Variants in TNRC6B observed in about 807,000 individuals in gnomAD.
The protein encoded by TNRC6B is trinucleotide repeat containing adaptor 6B, also known as trinucleotide repeat-containing gene 6B protein.
A neutral mutation model predicts 203.6 loss-of-function variants in TNRC6B; 52 were observed. The observed-to-expected ratio is 0.26, with a 90% confidence interval of 0.20 to 0.32. TNRC6B has a LOEUF of 0.32. TNRC6B is among the 10% of genes least tolerant of loss of function. TNRC6B has a pLI of 1.00. For missense variants in TNRC6B, 1,923 were observed against 2,286.2 expected, an observed-to-expected ratio of 0.84 and a Z score of 3.24; for synonymous variants, 838 against 845.7, an observed-to-expected ratio of 0.99 and a Z score of 0.16.
chr22:40,152,419 C>T lies in TNRC6B; in HGVS notation c.46-3696C>T, dbSNP rs983819806. On this transcript the variant is annotated intron_variant, in intron 3 of 23. Transcript: ENST00000301923. ...TCGGCTCACTGCAAGCTCCGCCTCC[C>T]GGGTTCATGCCATTCTTCTGCCTCA... Among the ~76,000 whole-genome samples, 20 of 152,308 alleles carry T rather than the reference C, an allele frequency of 1.3e-4. No homozygotes were observed. The South Asian group carries it at 1.7e-3, about 13-fold the overall frequency.
intron 1 of TNRC6B, among the ~76,000 whole-genome samples, chr22:40,179,270 G>A (rs2069103733): frequency 1.3e-5 from 2 of 152,218 alleles, no homozygotes; most frequent in South Asian, 2.1e-4. Context: ...GTGAGAGTGT[G>A]ATGTAATGCT....
chr22:40,142,739 A>T (rs2068655748), intron 3 of TNRC6B, among the ~76,000 whole-genome samples: 2 of 152,156 alleles, frequency 1.3e-5, no homozygotes, highest in African/African-American at 4.8e-5. Flanking sequence ...CTGCTATTAT[A>T]CTGGTCTTGC....
chr22:40,234,952 C>G (rs1203707019), intron 1 of TNRC6B, among the ~76,000 whole-genome samples: 1 of 152,136 alleles, frequency 6.6e-6, no homozygotes, highest in Non-Finnish European at 1.5e-5. Context: ...TGGATATGTT[C>G]CAACATGCTT....
At chr22:40,109,528 G>A (rs373497694) in intron 1 of TNRC6B, among the ~76,000 whole-genome samples, 2 of 152,126 alleles carry the variant, frequency 1.3e-5, no homozygotes, top group Non-Finnish European at 2.9e-5. Context: ...TTTCTCTAAT[G>A]ATCAGTGATA....
intron 12 of TNRC6B, among the ~76,000 whole-genome samples, chr22:40,287,806 G>T (rs572364345): frequency 6.6e-6 from 1 of 152,346 alleles, no homozygotes; most frequent in East Asian, 1.9e-4. Flanking sequence ...TGGTGGCAGA[G>T]GGGTGGGTTG....
intron 1 of TNRC6B, among the ~76,000 whole-genome samples, chr22:40,055,031 C>T (rs755637052): frequency 3.3e-5 from 5 of 152,012 alleles, no homozygotes; most frequent in African/African-American, 4.8e-5. Flanking sequence ...AACAAGACTC[C>T]GTCTCCAAAA....
At chr22:40,224,877 C>T (rs1208373032) in intron 1 of TNRC6B, among the ~76,000 whole-genome samples, 3 of 152,250 alleles carry the variant, frequency 2.0e-5, no homozygotes, top group East Asian at 3.8e-4. Flanking sequence ...CTCTGTTACT[C>T]ATCACCTTCT....
intron 3 of TNRC6B, among the ~76,000 whole-genome samples, chr22:40,145,801 C>A (rs1234120901): frequency 6.6e-6 from 1 of 151,882 alleles, no homozygotes; most frequent in Admixed American, 6.6e-5. Context: ...AAGATCACAT[C>A]ACTATGCTCC....
intron 1 of TNRC6B, among the ~76,000 whole-genome samples, chr22:40,221,332 C>T (rs1371979021): frequency 6.6e-6 from 1 of 152,176 alleles, no homozygotes; most frequent in East Asian, 1.9e-4. Flanking sequence ...AATGTTGCTA[C>T]ACCAGTTGAG....
intron 4 of TNRC6B, among the ~76,000 whole-genome samples, chr22:40,262,769 G>A (rs1452605439): frequency 6.6e-6 from 1 of 152,180 alleles, no homozygotes; most frequent in Non-Finnish European, 1.5e-5. Flanking sequence ...GCCGGGCACG[G>A]TGGCTCACGC....
chr22:40,318,926 C>T (rs1376917171), intron 21 of TNRC6B, among the ~76,000 whole-genome samples: 1 of 151,996 alleles, frequency 6.6e-6, no homozygotes, highest in Non-Finnish European at 1.5e-5. Context: ...CAAAAATTAG[C>T]CGGGTATGGT....
At chr22:40,052,509 T>C (rs2067757933) in intron 1 of TNRC6B, among the ~76,000 whole-genome samples, 1 of 133,440 alleles carries the variant, frequency 7.5e-6, no homozygotes, top group Non-Finnish European at 1.5e-5. Context: ...CAGGCCGGAG[T>C]GCAGTGGCAT....
intron 1 of TNRC6B, among the ~76,000 whole-genome samples, chr22:40,221,756 C>CCCT (rs1163937502): frequency 2.4e-5 from 3 of 123,634 alleles, no homozygotes; most frequent in Non-Finnish European, 5.3e-5. Flanking sequence ...TTATTGCCCC[C>CCCT]CCCCCTTTTT....
chr22:40,106,350 TG>T, intron 1 of TNRC6B: 1 of 1,194,946 alleles, frequency 8.4e-7, no homozygotes, highest in Non-Finnish European at 1.2e-6. Context: ...CCTGTTGATC[TG>T]GTCCTTCTTG....
intron 3 of TNRC6B, among the ~76,000 whole-genome samples, chr22:40,128,251 T>C (rs781158386): frequency 2.6e-5 from 4 of 152,160 alleles, no homozygotes; most frequent in Non-Finnish European, 5.9e-5. Flanking sequence ...GCTGATCTCA[T>C]CTCGCAGGGG....
At chr22:40,152,760 C>T (rs374746194) in intron 3 of TNRC6B, among the ~76,000 whole-genome samples, 2 of 152,060 alleles carry the variant, frequency 1.3e-5, no homozygotes, top group East Asian at 3.9e-4. Context: ...TGTGAGCCAC[C>T]GTGCCTGGCT....
chr22:40,330,738 G>A lies in TNRC6B; in HGVS notation c.*7497G>A, dbSNP rs955641689. 4.6e-5 allele frequency: 7 copies of A among 152,606 alleles called. No homozygotes were observed. Among genetic ancestry groups the A allele is most frequent in the African/African-American group, 1.7e-4 (7 of 41,426 alleles). The allele number at this position is 152,606 out of a possible 1,614,324, so 9.5% of individuals were successfully genotyped here. A position where few individuals can be genotyped will look rare whatever the true frequency, so the allele number is the denominator to read the frequency against. Reference sequence around the variant, plus strand: ...CTGAATGTGCCTTTGTGAGTACAGAGACCGTCCGTTCTAGGAAGAAGCTAT... The same window carrying A: ...CTGAATGTGCCTTTGTGAGTACAGAAACCGTCCGTTCTAGGAAGAAGCTAT... On this transcript the variant is annotated 3_prime_UTR_variant, in exon 23 of 23. Coordinates refer to ENST00000454349, the MANE Select transcript of TNRC6B (RefSeq NM_001162501.2).
intron 1 of TNRC6B, among the ~76,000 whole-genome samples, chr22:40,198,826 C>T (rs2069373070): frequency 6.6e-6 from 1 of 152,070 alleles, no homozygotes; most frequent in Non-Finnish European, 1.5e-5. Flanking sequence ...CATACATACG[C>T]ACATCTGTTT....
rs1354248449 is a variant in TNRC6B at position 40,324,386 on chromosome 22, G to C, written c.*1145G>C. On this transcript the variant is annotated 3_prime_UTR_variant, in exon 23 of 23. Transcript: ENST00000454349. ...TCGTTAGTTTGAAATGGGAACGGAA[G>C]ATAACTTTTGATGATGCGATGTCTC... The C allele has an allele frequency of 6.6e-6, 1 of 152,412 alleles. No individual in the cohort carries two copies. The highest frequency in any genetic ancestry group is 2.1e-4 in the South Asian group (1 of 4,832). The allele number at this position is 152,412 out of a possible 1,614,324, so 9.4% of individuals were successfully genotyped here. A position where few individuals can be genotyped will look rare whatever the true frequency, so the allele number is the denominator to read the frequency against.
Sources: allele counts gnomAD v4.1 joint callset (sites outside exome capture counted in the v4.1 genomes callset), GRCh38; gene constraint gnomAD v4.1.1; transcripts MANE v1.5; gene names NCBI Gene and HGNC (gene_info 2026-07-23, HGNC 2026-07-21).